The following BPNT2 variants were observed in gnomAD, a reference collection of about 807,000 sequenced individuals.
The protein encoded by BPNT2 is Golgi-resident adenosine 3',5'-bisphosphate 3'-phosphatase.
A neutral mutation model predicts 29.3 loss-of-function variants in BPNT2; 11 were observed. The observed-to-expected ratio is 0.38, with a 90% CI of 0.24 to 0.62. The LOEUF is 0.62. BPNT2 is among the 20% of genes least tolerant of loss of function. BPNT2 has a pLI of 0.62. For missense variants in BPNT2, 459 were observed against 473.4 expected (o/e 0.97, Z 0.28); for synonymous variants, 195 against 187.7 (o/e 1.04, Z -0.32).
At chr8:56,975,533 T>G (rs918636129) in intron 3 of BPNT2, among the ~76,000 whole-genome samples, 9 of 152,110 alleles carry the variant, frequency 5.9e-5, no homozygotes, top group African/African-American at 1.9e-4. Context: ...CTGAAAAAAC[T>G]TATGTCAATG....
At chr8:56,987,081 A>G (rs1806337831) in intron 1 of BPNT2, among the ~76,000 whole-genome samples, 1 of 152,232 alleles carries the variant, frequency 6.6e-6, no homozygotes, top group Non-Finnish European at 1.5e-5. Context: ...CAGTATTGTC[A>G]AAGTTCAAGG....
intron 3 of BPNT2, chr8:56,967,048 G>C (rs1805964468): frequency 1.7e-5 from 7 of 414,934 alleles, no homozygotes; most frequent in South Asian, 1.2e-4. Context: ...GGCTTCAGAT[G>C]ATTTTCCTGG....
intron 3 of BPNT2, among the ~76,000 whole-genome samples, chr8:56,974,021 T>C (rs1468761103): frequency 4.6e-5 from 7 of 152,150 alleles, no homozygotes. Context: ...CTCTGCCTAT[T>C]CAATGTGAAG....
At position 56,964,134 on chromosome 8, in the gene BPNT2, A is replaced by T. The variant is rs1805897209; in HGVS notation, c.809-70T>A. 3 of 1,147,624 alleles carry T rather than the reference A, an allele frequency of 2.6e-6. No individual in the cohort carries two copies. In the East Asian group the frequency reaches 7.7e-5, roughly 29 times the overall value. 71.1% of individuals were successfully genotyped at this position (1,147,624 alleles called of 1,614,324 possible). A position where few individuals can be genotyped will look rare whatever the true frequency, so the allele number is the denominator to read the frequency against. Reference sequence around the variant, plus strand: ...AAGAAAGTAGCATACTTTTTTGATTAAGTATCCTGTTAAAATAGCAGGATG... The same window carrying T: ...AAGAAAGTAGCATACTTTTTTGATTTAGTATCCTGTTAAAATAGCAGGATG... On this transcript the variant is annotated intron_variant, in intron 4 of 4. Transcript: ENST00000262644.
intron 1 of BPNT2, among the ~76,000 whole-genome samples, chr8:56,990,064 C>G (rs1806392831): frequency 6.6e-6 from 1 of 152,220 alleles, no homozygotes; most frequent in Non-Finnish European, 1.5e-5. Context: ...AATGCAAGTG[C>G]TCTGTGCACT....
intron 2 of BPNT2, among the ~76,000 whole-genome samples, chr8:56,979,550 G>A (rs144495760): frequency 8.9e-4 from 136 of 152,260 alleles, no homozygotes; most frequent in African/African-American, 3.1e-3. Context: ...TAAAAAGGTA[G>A]AAGGCTCCAC....
chr8:56,984,945 G>A (rs180772010), intron 1 of BPNT2, among the ~76,000 whole-genome samples: 2 of 151,594 alleles, frequency 1.3e-5, no homozygotes, highest in African/African-American at 4.8e-5. Context: ...CAGCCTCAGG[G>A]CCTTTGTACT....
In BPNT2 at chr8:56,991,075, A is replaced by G. The variant is rs111503647; in HGVS notation, c.387+2124T>C. ...TACTTCTGGGCATTAGGAGAGGGGA[A>G]GGCAAAAAAGGAGAAAGACTCCTTT... is the stretch of plus-strand genomic sequence containing the variant. On this transcript the variant is annotated intron_variant, in intron 1 of 4. Transcript: ENST00000262644. Among the ~76,000 whole-genome samples the G allele has an allele frequency of 4.5e-3, 693 of 152,318 alleles. 7 individuals are homozygous for G. The highest frequency in any genetic ancestry group is 0.016 in the African/African-American group (659 of 41,570).
At position 56,959,088 on chromosome 8, in the gene BPNT2, A is replaced by C. The variant is rs1181600005; in HGVS notation, c.*4705T>G. On this transcript the variant is annotated 3_prime_UTR_variant, in exon 5 of 5. Transcript: ENST00000262644. ...TAAGGGAACATATTACTAATCAAATAACACAGTTTATGCTTTTTCAATTTC... is the reference window on the plus strand; with the variant it reads ...TAAGGGAACATATTACTAATCAAATCACACAGTTTATGCTTTTTCAATTTC... 2 of 152,218 alleles carry C rather than the reference A, an allele frequency of 1.3e-5. No homozygotes were observed. The highest frequency in any genetic ancestry group is 4.8e-5 in the African/African-American group (2 of 41,450). The allele number at this position is 152,218 out of a possible 1,614,324, so 9.4% of individuals were successfully genotyped here. A position where few individuals can be genotyped will look rare whatever the true frequency, so the allele number is the denominator to read the frequency against.
chr8:56,965,954 CT>C (rs757908814), intron 4 of BPNT2, among the ~76,000 whole-genome samples: 4 of 151,992 alleles, frequency 2.6e-5, no homozygotes, highest in Admixed American at 6.5e-5. Flanking sequence ...TGGGAATATG[CT>C]TTTGTGTATT....
chr8:56,987,950 A>T (rs1806352273), intron 1 of BPNT2, among the ~76,000 whole-genome samples: 1 of 151,734 alleles, frequency 6.6e-6, no homozygotes, highest in Non-Finnish European at 1.5e-5. Flanking sequence ...GAATGGTCTC[A>T]ATCTCCCGAC....
chr8:56,967,411 G>A (rs767714390), intron 3 of BPNT2, among the ~76,000 whole-genome samples: 3 of 152,094 alleles, frequency 2.0e-5, no homozygotes, highest in Admixed American at 6.5e-5. Flanking sequence ...CAACACAAAC[G>A]TATGAGAAAG....
chr8:56,982,173 G>A (rs978285188), intron 1 of BPNT2, among the ~76,000 whole-genome samples: 11 of 150,722 alleles, frequency 7.3e-5, no homozygotes, highest in Non-Finnish European at 5.9e-5. Context: ...CACCAGGTTG[G>A]AGTGCAGTGG....
chr8:56,965,699 A>G (rs1805933768), intron 4 of BPNT2, among the ~76,000 whole-genome samples: 1 of 152,216 alleles, frequency 6.6e-6, no homozygotes, highest in Non-Finnish European at 1.5e-5. Flanking sequence ...AGAATATACG[A>G]TAAGGTGGGT....
intron 3 of BPNT2, among the ~76,000 whole-genome samples, chr8:56,975,370 T>C (rs937939009): frequency 2.0e-5 from 3 of 152,140 alleles, no homozygotes; most frequent in African/African-American, 7.2e-5. Context: ...CTAAATGCCA[T>C]CCTAACTGAT....
At chr8:56,976,558 T>C (rs549466087) in intron 3 of BPNT2, among the ~76,000 whole-genome samples, 3 of 152,202 alleles carry the variant, frequency 2.0e-5, no homozygotes, top group Non-Finnish European at 2.9e-5. Flanking sequence ...TTATTTGAAT[T>C]ATGAAAAGAA....
intron 1 of BPNT2, among the ~76,000 whole-genome samples, chr8:56,987,244 T>C (rs1024400244): frequency 5.3e-5 from 8 of 152,188 alleles, no homozygotes; most frequent in African/African-American, 1.9e-4. Flanking sequence ...TATCATACCA[T>C]AGGTGTGATA....
chr8:56,981,297 T>G (rs915776570), intron 1 of BPNT2, among the ~76,000 whole-genome samples: 2 of 152,246 alleles, frequency 1.3e-5, no homozygotes, highest in East Asian at 3.8e-4. Flanking sequence ...CCAAGTGTGG[T>G]GGCTCACGCC....
intron 1 of BPNT2, among the ~76,000 whole-genome samples, chr8:56,990,808 A>G (rs1004831906): frequency 2.0e-5 from 3 of 152,198 alleles, no homozygotes; most frequent in African/African-American, 4.8e-5. Context: ...CCCCTGGTAT[A>G]TCCTTTTACT....
Sources: gnomAD v4.1 joint callset for allele counts (sites outside exome capture counted in the v4.1 genomes callset) on GRCh38, gnomAD v4.1.1 for gene constraint, MANE v1.5 for transcripts, NCBI Gene and HGNC (gene_info 2026-07-23, HGNC 2026-07-21) for gene names.